The following CRTAC1 variants were observed in gnomAD, a reference collection of about 807,000 sequenced individuals.
CRTAC1 encodes acidic secreted protein in cartilage.
A neutral mutation model predicts 67.8 loss-of-function variants in CRTAC1; 37 were observed. The ratio of observed to expected loss-of-function variants is 0.55; its 90% CI spans 0.42 to 0.72. CRTAC1 has a LOEUF of 0.72. Ranked by LOEUF, CRTAC1 falls within the 30% of genes least tolerant of loss-of-function variation. The pLI is 0.00. For missense variants in CRTAC1, 780 were observed against 931.6 expected (o/e 0.84, Z 2.12); for synonymous variants, 348 against 371.0 (o/e 0.94, Z 0.71).
chr10:97,882,937 C>A, intron 12 of CRTAC1, 109 bp from the exon 13 acceptor site: 2 of 1,125,912 alleles, frequency 1.8e-6, no homozygotes, highest in South Asian at 1.4e-5. Context: ...CAGTGTGAGG[C>A]ATGCTCTGAG....
intron 2 of CRTAC1, among the ~76,000 whole-genome samples, chr10:97,999,872 ACTG>A (rs1269694815): frequency 6.6e-6 from 1 of 152,178 alleles, no homozygotes; most frequent in Non-Finnish European, 1.5e-5. Flanking sequence ...GGGCCCCCTC[ACTG>A]CTGAGAGCGG....
chr10:98,007,311 C>T (rs1056651822), intron 2 of CRTAC1, among the ~76,000 whole-genome samples: 1 of 152,136 alleles, frequency 6.6e-6, no homozygotes, highest in Non-Finnish European at 1.5e-5. Flanking sequence ...TCCCAAGGTC[C>T]TGATTTAAAT....
rs1319308855 is a variant in CRTAC1 at position 98,001,063 on chromosome 10, A to G, written c.224+10075T>C. ...TATCATGTTATCAGACCAAATGTGT[A>G]TTTAGGGATGGATGAGGTCACTTCA... On this transcript the variant is annotated intron_variant, in intron 2 of 14. Transcript: ENST00000370597. Among the ~76,000 whole-genome samples the G allele has an allele frequency of 2.6e-5, 4 of 152,322 alleles. No homozygotes were observed. The East Asian group carries it at 7.7e-4, about 29-fold the overall frequency.
intron 14 of CRTAC1, 98 bp from the exon 15 acceptor site, chr10:97,865,812 GCTGCCC>G: frequency 7.3e-7 from 1 of 1,367,702 alleles, no homozygotes; most frequent in Non-Finnish European, 9.6e-7. Context: ...GGCTCACCCT[GCTGCCC>G]GGGGTGGGAG....
chr10:97,946,373 C>A (rs922354726), intron 2 of CRTAC1, among the ~76,000 whole-genome samples: 1 of 152,340 alleles, frequency 6.6e-6, no homozygotes, highest in African/African-American at 2.4e-5. Context: ...GGACCTCATT[C>A]TCTCACATGA....
chr10:97,961,581 C>T (rs919060621), intron 2 of CRTAC1, among the ~76,000 whole-genome samples: 2 of 152,098 alleles, frequency 1.3e-5, no homozygotes, highest in Admixed American at 6.5e-5. Context: ...GGGAGGAGAC[C>T]GAGCAAGACA....
intron 2 of CRTAC1, among the ~76,000 whole-genome samples, chr10:97,965,829 G>A (rs980699580): frequency 2.0e-5 from 3 of 152,216 alleles, no homozygotes; most frequent in African/African-American, 4.8e-5. Flanking sequence ...GCAGGCAGTT[G>A]TCGAACTGAG....
chr10:97,935,308 A>G (rs928896747), intron 3 of CRTAC1, among the ~76,000 whole-genome samples: 3 of 152,230 alleles, frequency 2.0e-5, no homozygotes, highest in Admixed American at 6.5e-5. Context: ...TGTTTAGATC[A>G]GGGTCTGACA....
chr10:97,928,215 GT>G, intron 3 of CRTAC1, among the ~76,000 whole-genome samples: 1 of 152,100 alleles, frequency 6.6e-6, no homozygotes, highest in South Asian at 2.1e-4. Context: ...TCAGAGTCCA[GT>G]CCAGTAGAAC....
At chr10:97,870,733 C>CGTGTGTGT (rs55882730) in intron 14 of CRTAC1, 1 of 150,018 alleles carries the variant, frequency 6.7e-6, no homozygotes, top group Non-Finnish European at 1.5e-5. Flanking sequence ...CTCTATGTTA[C>CGTGTGTGT]GTGTGTGTGT....
At chr10:97,947,420 GAGAC>G (rs1360339646) in intron 2 of CRTAC1, among the ~76,000 whole-genome samples, 2 of 152,246 alleles carry the variant, frequency 1.3e-5, no homozygotes, top group Non-Finnish European at 2.9e-5. Context: ...ATTTTAGTAA[GAGAC>G]ATATGGGTCA....
rs189108339 is a variant in CRTAC1 at position 97,894,809 on chromosome 10, T to C, written c.1486+436A>G. ...CCCTGCCCTTGCCAAGAACCCACTC[T>C]CTCCCCTTTGGGGTGACTTCACTCC... is the stretch of plus-strand genomic sequence containing the variant. On this transcript the variant is annotated intron_variant, in intron 11 of 14. Transcript: ENST00000370597. Among the ~76,000 whole-genome samples the C allele has an allele frequency of 3.0e-4, 40 of 135,530 alleles. No individual in the cohort carries two copies. In the East Asian group the frequency reaches 8.6e-3, roughly 29 times the overall value. The allele number at this position is 135,530 out of a possible 152,430, so 88.9% of individuals were successfully genotyped here.
rs373819317 is a variant in CRTAC1, at chr10:97,895,439, C to T, written c.1318-26G>A. 1.0e-5 allele frequency: 16 copies of T among 1,560,736 alleles called. No individual in the cohort carries two copies. In the South Asian group the frequency reaches 1.8e-4, roughly 18 times the overall value. Reference sequence around the variant, plus strand: ...CTGCAGAGAGGGTGAGAGGCAGACACCCGGTGGGCATCAGCATGGTGGGTG... The same window carrying T: ...CTGCAGAGAGGGTGAGAGGCAGACATCCGGTGGGCATCAGCATGGTGGGTG... On this transcript the variant is annotated intron_variant, in intron 10 of 14. Transcript: ENST00000370597. The surrounding 1 kb of genome is among the most constrained non-coding windows in gnomAD (Gnocchi z 4.2).
chr10:97,996,539 A>G lies in CRTAC1; in HGVS notation c.224+14599T>C, dbSNP rs1017566603. On this transcript the variant is annotated intron_variant, in intron 2 of 14. Transcript: ENST00000370597. ...CAAATCAAAACCACAATGAGATACC[A>G]TCTCACACCAGTTAGAATGGCAATC... is the stretch of plus-strand genomic sequence containing the variant. Among the ~76,000 whole-genome samples, 355 of 152,294 alleles carry G rather than the reference A, an allele frequency of 2.3e-3. 6 individuals carry two copies. Among genetic ancestry groups the G allele is most frequent in the Non-Finnish European group, 3.2e-3 (219 of 68,024 alleles).
chr10:97,873,795 G>T (rs577104167), intron 14 of CRTAC1, among the ~76,000 whole-genome samples: 2 of 152,316 alleles, frequency 1.3e-5, no homozygotes, highest in East Asian at 3.9e-4. Flanking sequence ...GGACGTTCTG[G>T]GAACGGGTGA....
intron 1 of CRTAC1, among the ~76,000 whole-genome samples, chr10:98,024,345 GC>G (rs1843181948): frequency 6.6e-6 from 1 of 152,202 alleles, no homozygotes; most frequent in African/African-American, 2.4e-5. Flanking sequence ...CCTTGGAAGA[GC>G]TCTTTAAGAA....
At chr10:97,869,191 G>A (rs762985366) in intron 14 of CRTAC1, 2 of 152,296 alleles carry the variant, frequency 1.3e-5, no homozygotes, top group Non-Finnish European at 2.9e-5. Flanking sequence ...GGGTTTTGAG[G>A]CCGGGCTGGC....
intron 2 of CRTAC1, among the ~76,000 whole-genome samples, chr10:97,980,956 A>G (rs1005412736): frequency 6.6e-6 from 1 of 152,220 alleles, no homozygotes; most frequent in African/African-American, 2.4e-5. Context: ...CATGTTTCCA[A>G]TTCCACCCTG....
At chr10:97,911,285 T>C (rs865942391) in intron 5 of CRTAC1, among the ~76,000 whole-genome samples, 20 of 152,364 alleles carry the variant, frequency 1.3e-4, no homozygotes, top group African/African-American at 4.8e-4. Context: ...ACACATTCCC[T>C]TCATTTTCTA....
Sources: gnomAD v4.1 joint callset for allele counts (sites outside exome capture counted in the v4.1 genomes callset) on GRCh38, gnomAD v4.1.1 for gene constraint, Gnocchi (gnomAD v3.1) non-coding constraint, MANE v1.5 for transcripts, NCBI Gene and HGNC (gene_info 2026-07-23, HGNC 2026-07-21) for gene names.